The following CD274 variants were observed in gnomAD, a reference collection of about 807,000 sequenced individuals.
The protein encoded by CD274 is programmed cell death 1 ligand 1.
A neutral mutation model predicts 30.1 loss-of-function variants in CD274; 8 were observed. The ratio of observed to expected loss-of-function variants is 0.27; its 90% CI spans 0.16 to 0.48. CD274 has a LOEUF of 0.48. Among genes scored for constraint, CD274 ranks in the 20% least tolerant of loss-of-function variants. The probability of loss-of-function intolerance (pLI) is 0.99; values close to 1 mark genes in which losing one functional copy is unlikely to be tolerated. For synonymous variants in CD274, 152 were observed against 124.6 expected (o/e 1.22, Z -1.46); for missense variants, 353 against 346.6 (o/e 1.02, Z -0.15).
chr9:5,454,886 T>C (rs1819273161), intron 1 of CD274, among the ~76,000 whole-genome samples: 1 of 152,220 alleles, frequency 6.6e-6, no homozygotes, highest in Non-Finnish European at 1.5e-5. Flanking sequence ...TATTTTTTAT[T>C]GTGAGATTGA....
At chr9:5,453,536 A>T (rs182739867) in intron 1 of CD274, among the ~76,000 whole-genome samples, 5 of 152,312 alleles carry the variant, frequency 3.3e-5, no homozygotes, top group East Asian at 1.9e-4. Context: ...ATGATATTTT[A>T]AAAAATTGGC....
chr9:5,453,030 A>G (rs2131204086), intron 1 of CD274, among the ~76,000 whole-genome samples: 1 of 151,926 alleles, frequency 6.6e-6, no homozygotes, highest in African/African-American at 2.4e-5. Context: ...TATATTTTAT[A>G]AGTAATATTT....
At position 5,468,317 on chromosome 9, in the gene CD274, T is replaced by C; in HGVS notation, c.*455T>C. 4.2e-6 allele frequency: 1 copy of C among 239,014 alleles called. No homozygotes were observed. Among genetic ancestry groups the C allele is most frequent in the Non-Finnish European group, 8.2e-6 (1 of 122,228 alleles). The allele number at this position is 239,014 out of a possible 1,614,324, so 14.8% of individuals were successfully genotyped here. A position where few individuals can be genotyped will look rare whatever the true frequency, so the allele number is the denominator to read the frequency against. ...GGGACAGTATTTATGTATGAGTTTT[T>C]CCTATTTATTTTGAGTCTGTGAGGT... On this transcript the variant is annotated 3_prime_UTR_variant, in exon 7 of 7. Transcript: ENST00000381577.
Position 5,468,230 on chromosome 9 carries a change from C to G in CD274, c.*368C>G, listed in dbSNP as rs1819529207. ...GAGGGTCAGTTCCTGCAGAAGTGCC[C>G]TTTGCCTCCACTCAATGCCTCAATT... On this transcript the variant is annotated 3_prime_UTR_variant, in exon 7 of 7. Transcript: ENST00000381577. 1 of 307,704 alleles carries G rather than the reference C, an allele frequency of 3.2e-6. No individual in the cohort carries two copies. Among genetic ancestry groups the G allele is most frequent in the Non-Finnish European group, 6.0e-6 (1 of 165,870 alleles). The allele number at this position is 307,704 out of a possible 1,614,324, so 19.1% of individuals were successfully genotyped here.
chr9:5,467,654 G>C (rs1454957023), intron 6 of CD274, among the ~76,000 whole-genome samples, 186 bp from the exon 7 acceptor site: 1 of 152,142 alleles, frequency 6.6e-6, no homozygotes, highest in African/African-American at 2.4e-5. Context: ...ATTTGCTCAG[G>C]ACTGAGGGGT....
intron 5 of CD274, 142 bp from the exon 6 acceptor site, chr9:5,466,628 G>A (rs550024970): frequency 1.6e-6 from 1 of 627,118 alleles, no homozygotes; most frequent in Non-Finnish European, 2.8e-6. Flanking sequence ...AACCTCATAA[G>A]TTGGGACCTG....
intron 6 of CD274, among the ~76,000 whole-genome samples, chr9:5,467,415 G>C (rs1356184286): frequency 6.6e-6 from 1 of 151,940 alleles, no homozygotes. Context: ...TTATAAGCAG[G>C]GCAGAAAAAC....
At chr9:5,453,604 G>A (rs1819246126) in intron 1 of CD274, among the ~76,000 whole-genome samples, 1 of 152,180 alleles carries the variant, frequency 6.6e-6, no homozygotes, top group Non-Finnish European at 1.5e-5. Context: ...TAAATAAGAT[G>A]CTTATGAATA....
chr9:5,454,638 T>C (rs965595509), intron 1 of CD274, among the ~76,000 whole-genome samples: 1 of 123,590 alleles, frequency 8.1e-6, no homozygotes, highest in Non-Finnish European at 1.6e-5. Context: ...CATATATATA[T>C]ATATGTGTGT....
Position 5,463,140 on chromosome 9 carries a change from C to G in CD274, c.682+19C>G, listed in dbSNP as rs777867474. ...ATCCCAGGTAATATTCTGAATGTGT[C>G]CATTAAAATATGTCTAACACTGTCC... On this transcript the variant is annotated intron_variant, in intron 4 of 6. Transcript: ENST00000381577. The G allele has an allele frequency of 3.1e-6, 5 of 1,601,562 alleles. No homozygotes were observed. In the East Asian group the frequency reaches 8.9e-5, roughly 29 times the overall value.
intron 1 of CD274, among the ~76,000 whole-genome samples, chr9:5,455,121 G>C (rs1586762394): frequency 2.0e-5 from 3 of 151,224 alleles, no homozygotes; most frequent in African/African-American, 7.4e-5. Flanking sequence ...AGATTGGAGA[G>C]GCACTAAGAG....
chr9:5,466,204 C>G (rs1297915656), intron 5 of CD274, among the ~76,000 whole-genome samples: 2 of 152,118 alleles, frequency 1.3e-5, no homozygotes, highest in Non-Finnish European at 2.9e-5. Flanking sequence ...ATAGAGTTGT[C>G]TGATGTTAAA....
chr9:5,464,033 G>C (rs943916359), intron 4 of CD274, among the ~76,000 whole-genome samples: 1 of 152,086 alleles, frequency 6.6e-6, no homozygotes, highest in Admixed American at 6.5e-5. Flanking sequence ...AAAATGCCAC[G>C]TACTTCAGCA....
intron 4 of CD274, among the ~76,000 whole-genome samples, chr9:5,464,570 C>G (rs955967650): frequency 6.6e-6 from 1 of 152,088 alleles, no homozygotes; most frequent in East Asian, 1.9e-4. Flanking sequence ...ACCCCCTTTC[C>G]TCCTGCATGG....
rs542521540 is a variant in CD274, at chr9:5,470,393, A to T, written c.*2531A>T. 10 of 231,780 alleles carry T rather than the reference A, an allele frequency of 4.3e-5. No individual in the cohort carries two copies. The South Asian group carries it at 1.8e-3, about 42-fold the overall frequency. The allele number at this position is 231,780 out of a possible 1,614,324, so 14.4% of individuals were successfully genotyped here. ...CCTTTTGTCTCATGTTTCATCGTAA[A>T]TGGCATAGGCAGAGATGATACCTAA... On this transcript the variant is annotated 3_prime_UTR_variant, in exon 7 of 7. Coordinates refer to ENST00000381577, the MANE Select transcript of CD274 (RefSeq NM_014143.4).
In CD274 at chr9:5,457,350, T is replaced by A. The variant is rs779605993; in HGVS notation, c.324T>A (p.Asp108Glu). ...ALQITDVKLQ[D>E]AGVYRCMISY... is the part of the protein sequence containing the mutation. ...AGATCACAGATGTGAAATTGCAGGATGCAGGGGTGTACCGCTGCATGATCA... is the reference window on the plus strand; with the variant it reads ...AGATCACAGATGTGAAATTGCAGGAAGCAGGGGTGTACCGCTGCATGATCA... Residue 108 changes from aspartate (D) to glutamate (E), a missense_variant, in exon 3 of 7, where the codon GAT (aspartate) becomes GAA (glutamate). Transcript: ENST00000381577. The A allele has an allele frequency of 6.2e-7, 1 of 1,614,156 alleles. No individual in the cohort carries two copies. Among genetic ancestry groups the A allele is most frequent in the Non-Finnish European group, 8.5e-7 (1 of 1,180,002 alleles).
At position 5,468,341 on chromosome 9, in the gene CD274, GTCT is replaced by G; in HGVS notation, c.*484_*486del. Reference sequence around the variant, plus strand: ...TTCCTATTTATTTTGAGTCTGTGAGGTCTTCTTGTCATGTGAGTGTGGTTGTGA... The same window carrying G: ...TTCCTATTTATTTTGAGTCTGTGAGGTCTTGTCATGTGAGTGTGGTTGTGA... On this transcript the variant is annotated 3_prime_UTR_variant, in exon 7 of 7. Coordinates refer to ENST00000381577, the MANE Select transcript of CD274 (RefSeq NM_014143.4). 5 of 236,700 alleles carry G rather than the reference GTCT, an allele frequency of 2.1e-5. No individual in the cohort carries two copies. The highest frequency in any genetic ancestry group is 3.3e-5 in the Non-Finnish European group (4 of 120,556). 14.7% of individuals were successfully genotyped at this position (236,700 alleles called of 1,614,324 possible). A position where few individuals can be genotyped will look rare whatever the true frequency, so the allele number is the denominator to read the frequency against.
rs1014158679 is a variant in CD274 at position 5,465,051 on chromosome 9, C to T, written c.683-448C>T. Among the ~76,000 whole-genome samples, 5 of 147,982 alleles carry T rather than the reference C, an allele frequency of 3.4e-5. No homozygotes were observed. The Admixed American group carries it at 3.4e-4, about 10-fold the overall frequency. On this transcript the variant is annotated intron_variant, in intron 4 of 6. Transcript: ENST00000381577. The stretch of plus-strand genomic sequence containing the variant: ...GCAGTGAGCCCAGATTGCGCCACTG[C>T]ACTCCACCCTGGGCAACAGAGAAAG...
intron 1 of CD274, among the ~76,000 whole-genome samples, chr9:5,452,056 C>T (rs1369045664): frequency 3.6e-5 from 5 of 138,728 alleles, no homozygotes; most frequent in East Asian, 4.1e-4. Context: ...GACAGAGTCT[C>T]ACTCTGTTGC....
Sources: allele counts gnomAD v4.1 joint callset (sites outside exome capture counted in the v4.1 genomes callset), GRCh38; gene constraint gnomAD v4.1.1; transcripts MANE v1.5; gene names NCBI Gene and HGNC (gene_info 2026-07-23, HGNC 2026-07-21).